Variants in ZIM3 observed in about 807,000 individuals in gnomAD.
ZIM3 encodes zinc finger protein 657.
A neutral mutation model predicts 12.9 loss-of-function variants in ZIM3; 11 were observed. The observed-to-expected ratio is 0.85, with a 90% CI of 0.54 to 1.41. ZIM3 has a LOEUF of 1.41. ZIM3 is among the 40% of genes most tolerant of loss of function. The pLI is 0.00. For synonymous variants in ZIM3, 205 were observed against 198.5 expected (o/e 1.03, Z -0.28); for missense variants, 604 against 557.2 (o/e 1.08, Z -0.85).
At chr19:57,139,048 C>T (rs987642498) in intron 2 of ZIM3, among the ~76,000 whole-genome samples, 5 of 152,084 alleles carry the variant, frequency 3.3e-5, no homozygotes, top group Admixed American at 2.6e-4. Context: ...TTATTTTGGC[C>T]GGGCACGGTG....
At chr19:57,140,641 A>C (rs1273136682) in intron 2 of ZIM3, among the ~76,000 whole-genome samples, 2 of 151,564 alleles carry the variant, frequency 1.3e-5, no homozygotes, top group East Asian at 2.0e-4. Context: ...TGCTAAGCTC[A>C]TTTTTTATTA....
chr19:57,138,132 G>A lies in ZIM3; in HGVS notation c.142+340C>T, dbSNP rs796703981. ...GGAGGCAGGGAGGGAGGGAGGGAGG[G>A]AGGGAGGGAAGGAAGGGAAAGAAAG... On this transcript the variant is annotated intron_variant, in intron 3 of 4. Transcript: ENST00000269834. 3.4e-3 allele frequency among the ~76,000 whole-genome samples: 431 copies of A among 126,636 alleles called. 21 individuals carry two copies. The highest frequency in any genetic ancestry group is 0.012 in the African/African-American group (394 of 31,628). 83.1% of individuals were successfully genotyped at this position (126,636 alleles called of 152,430 possible). A position where few individuals can be genotyped will look rare whatever the true frequency, so the allele number is the denominator to read the frequency against.
intron 2 of ZIM3, among the ~76,000 whole-genome samples, chr19:57,139,928 C>A (rs986854260): frequency 6.6e-6 from 1 of 152,098 alleles, no homozygotes; most frequent in African/African-American, 2.4e-5. Context: ...TACCACACTC[C>A]CACTCACACA....
chr19:57,143,344 AAG>A (rs1555756671), intron 1 of ZIM3, among the ~76,000 whole-genome samples: 4 of 146,882 alleles, frequency 2.7e-5, no homozygotes, highest in South Asian at 2.2e-4. Context: ...AAAAAAAAAA[AAG>A]AGAGAGAGAG....
Position 57,135,988 on chromosome 19 carries a change from C to G in ZIM3, c.349G>C (p.Gly117Arg). The G allele has an allele frequency of 6.2e-7, 1 of 1,614,140 alleles. No homozygotes were observed. Among genetic ancestry groups the G allele is most frequent in the Non-Finnish European group, 8.5e-7 (1 of 1,180,030 alleles). The change falls in exon 5 of 5, where the codon GGT becomes CGT. Residue 117 changes from glycine to arginine, a missense_variant. Physicochemically the swap from Gly to Arg is moderately radical, Grantham distance 125. Coordinates refer to ENST00000269834, the MANE Select transcript of ZIM3 (RefSeq NM_052882.1). ...TTCTTAGATCCGTCACATTCTACAC[C>G]TTTCTGCGTAGTCAGCGTTTCCTTA... Reference protein sequence around the residue: ...INKETLTTQKGVECDGSKKIL... With the variant: ...INKETLTTQKRVECDGSKKIL...
chr19:57,142,365 C>T (rs2086917457), intron 2 of ZIM3, among the ~76,000 whole-genome samples: 1 of 152,000 alleles, frequency 6.6e-6, no homozygotes, highest in Admixed American at 6.6e-5. Flanking sequence ...TGGTTTCAAA[C>T]TCCTGAACTC....
In ZIM3 at chr19:57,135,100, G is replaced by C. The variant is rs1437855488; in HGVS notation, c.1237C>G (p.His413Asp). Residue 413 changes from histidine (H) to aspartate (D), a missense_variant, in exon 5 of 5, where the codon CAT (histidine) becomes GAT (aspartate). By Grantham distance (81) the His-to-Asp change is moderately conservative. Coordinates refer to ENST00000269834, the MANE Select transcript of ZIM3 (RefSeq NM_052882.1). The stretch of plus-strand genomic sequence containing the variant: ...CATCTATAGGTCCTCTCTCCGCTAT[G>C]AGTTTTCTGATGGCTATGAAGGTTT... ...KSNLHSHQKT[H>D]SGERTYRCSE... 1 of 1,614,190 alleles carries C rather than the reference G, an allele frequency of 6.2e-7. No individual in the cohort carries two copies. Among genetic ancestry groups the C allele is most frequent in the Non-Finnish European group, 8.5e-7 (1 of 1,180,024 alleles).
At chr19:57,143,244 T>C (rs1599924563) in intron 1 of ZIM3, among the ~76,000 whole-genome samples, 1 of 148,774 alleles carries the variant, frequency 6.7e-6, no homozygotes, top group Non-Finnish European at 1.5e-5. Context: ...GGCAGGAGAA[T>C]GGCGGGAACC....
chr19:57,144,491 C>T (rs1410627673), intron 1 of ZIM3, among the ~76,000 whole-genome samples: 2 of 152,116 alleles, frequency 1.3e-5, no homozygotes, highest in African/African-American at 4.8e-5. Flanking sequence ...ATTGTAAATG[C>T]TTTCACCACA....
intron 4 of ZIM3, 80 bp downstream of exon 4, chr19:57,136,793 T>C: frequency 8.1e-7 from 1 of 1,229,098 alleles, no homozygotes; most frequent in South Asian, 1.3e-5. Flanking sequence ...CACAGCTGGC[T>C]GCCAAACGAC....
chr19:57,143,313 A>T (rs1029987295), intron 1 of ZIM3, among the ~76,000 whole-genome samples: 5 of 150,306 alleles, frequency 3.3e-5, no homozygotes, highest in African/African-American at 1.2e-4. Context: ...CCTGGGCGAC[A>T]GAGCGAGACT....
At position 57,135,862 on chromosome 19, in the gene ZIM3, G is replaced by T. The variant is rs1440046425; in HGVS notation, c.475C>A (p.Pro159Thr). ...AGTTGTTGTCCTACAAATTTGGATG[G>T]ATTATTGCCAACTAATTTTCTGTAT... ...NGYRKLVGNNPSKFVGQQLKC... is the reference protein window; with the variant it reads ...NGYRKLVGNNTSKFVGQQLKC... Residue 159 changes from proline to threonine, a missense_variant, in exon 5 of 5, where the codon CCA becomes ACA. By Grantham distance (38) the Pro-to-Thr change is conservative. Transcript: ENST00000269834. 2.5e-6 allele frequency: 4 copies of T among 1,614,078 alleles called. No individual in the cohort carries two copies. The South Asian group carries it at 4.4e-5, about 18-fold the overall frequency.
At position 57,142,247 on chromosome 19, in the gene ZIM3, G is replaced by A. The variant is rs893410774; in HGVS notation, c.15+382C>T. Among the ~76,000 whole-genome samples the A allele has an allele frequency of 1.3e-4, 19 of 149,516 alleles. 1 individual carries two copies. Among genetic ancestry groups the A allele is most frequent in the Admixed American group, 1.1e-3 (16 of 14,776 alleles). On this transcript the variant is annotated intron_variant, in intron 2 of 4. Transcript: ENST00000269834. ...CAGCCTCAACCTCCCAGGTTCAAGC[G>A]ATTCTCCCACCTCCGCCTCCAGAGT...
chr19:57,143,354 G>A (rs996734036), intron 1 of ZIM3, among the ~76,000 whole-genome samples: 1 of 151,396 alleles, frequency 6.6e-6, no homozygotes, highest in Admixed American at 6.6e-5. Flanking sequence ...AAGAGAGAGA[G>A]AGAAAGCTAA....
At chr19:57,143,049 T>C (rs539159986) in intron 1 of ZIM3, among the ~76,000 whole-genome samples, 3 of 151,710 alleles carry the variant, frequency 2.0e-5, no homozygotes, top group African/African-American at 7.3e-5. Context: ...CAAAATTGGC[T>C]GGGCGCGGTG....
At position 57,134,972 on chromosome 19, in the gene ZIM3, G is replaced by A; in HGVS notation, c.1365C>T (p.Ala455=). The change falls in exon 5 of 5, where the codon GCC becomes GCT. Residue 455 remains alanine, a synonymous_variant. Coordinates refer to ENST00000269834, the MANE Select transcript of ZIM3 (RefSeq NM_052882.1). Reference sequence around the variant, plus strand: ...TAACAAGGTATGACCTGTCAGCGAAGGCTTTACCGCATTCAGAACATCCAT... The same window carrying A: ...TAACAAGGTATGACCTGTCAGCGAAAGCTTTACCGCATTCAGAACATCCAT... ...KPYGCSECGK[A]FADRSYLVRH... The A allele has an allele frequency of 1.2e-6, 2 of 1,614,094 alleles. No individual in the cohort carries two copies. Among genetic ancestry groups the A allele is most frequent in the Non-Finnish European group, 1.7e-6 (2 of 1,180,018 alleles).
intron 4 of ZIM3, 52 bp from the exon 5 acceptor site, chr19:57,136,147 T>C (rs918450699): frequency 6.7e-7 from 1 of 1,488,564 alleles, no homozygotes; most frequent in African/African-American, 1.4e-5. Flanking sequence ...ACTCACATGC[T>C]TGAAATAAAA....
chr19:57,138,617 G>C lies in ZIM3; in HGVS notation c.16-19C>G, dbSNP rs368098374. ...CTCTTCCCTGTAACAACAGATTCCC[G>C]ATCAGTATAAAAATGCCATTGAATC... is the stretch of plus-strand genomic sequence containing the variant. On this transcript the variant is annotated intron_variant, in intron 2 of 4. Transcript: ENST00000269834. 1.1e-5 allele frequency: 18 copies of C among 1,613,478 alleles called. No individual in the cohort carries two copies. The African/African-American group carries it at 2.1e-4, about 19-fold the overall frequency.
At chr19:57,140,186 C>T (rs761522823) in intron 2 of ZIM3, among the ~76,000 whole-genome samples, 4 of 151,844 alleles carry the variant, frequency 2.6e-5, no homozygotes, top group Non-Finnish European at 2.9e-5. Context: ...TTTTTTTTGG[C>T]GGGGAAGGGG....
Sources: allele counts gnomAD v4.1 joint callset (sites outside exome capture counted in the v4.1 genomes callset), GRCh38; gene constraint gnomAD v4.1.1; transcripts MANE v1.5; gene names NCBI Gene and HGNC (gene_info 2026-07-23, HGNC 2026-07-21).